ABI3BP: variants seen among roughly 807,000 people sequenced by gnomAD.
ABI3BP encodes the protein ABI family member 3 binding protein.
A neutral mutation model predicts 268.6 loss-of-function variants in ABI3BP; 216 were observed. The ratio of observed to expected loss-of-function variants is 0.80; its 90% CI spans 0.72 to 0.90. The LOEUF is 0.90. ABI3BP is among the 40% of genes least tolerant of loss of function. The probability of loss-of-function intolerance (pLI) is 0.00; values close to 1 mark genes in which losing one functional copy is unlikely to be tolerated. For missense variants in ABI3BP, 2,090 were observed against 2,182.4 expected (o/e 0.96, Z 0.84); for synonymous variants, 730 against 730.0 (o/e 1.00, Z 0.00).
chr3:100,824,343 C>T (rs2098321374), intron 36 of ABI3BP, among the ~76,000 whole-genome samples: 1 of 152,032 alleles, frequency 6.6e-6, no homozygotes, highest in South Asian at 2.1e-4. Flanking sequence ...CTCAGTGGGC[C>T]CAAGGTCCAA....
intron 9 of ABI3BP, 135 bp from the exon 10 acceptor site, chr3:100,867,091 G>A (rs2099058275): frequency 1.6e-6 from 1 of 642,288 alleles, no homozygotes; most frequent in Admixed American, 2.9e-5. Context: ...ACTTTATTGT[G>A]TATCTCTAGC....
chr3:100,810,368 GCAAA>G (rs1331176562), intron 49 of ABI3BP, 40 bp downstream of exon 49: 2 of 1,469,036 alleles, frequency 1.4e-6, no homozygotes, highest in African/African-American at 1.4e-5. Context: ...CTGACATTCT[GCAAA>G]CACTCACCTC....
intron 51 of ABI3BP, among the ~76,000 whole-genome samples, chr3:100,802,311 T>C (rs992062602): frequency 6.6e-6 from 1 of 152,162 alleles, no homozygotes; most frequent in African/African-American, 2.4e-5. Flanking sequence ...CTGAAACCTA[T>C]CCCAATGCCT....
intron 14 of ABI3BP, among the ~76,000 whole-genome samples, chr3:100,857,221 A>G (rs927218238): frequency 6.6e-6 from 1 of 152,138 alleles, no homozygotes; most frequent in South Asian, 2.1e-4. Flanking sequence ...CATAATTGCT[A>G]TTATTGATTA....
chr3:100,911,930 T>A, intron 2 of ABI3BP: 2 of 1,161,888 alleles, frequency 1.7e-6, no homozygotes, highest in Non-Finnish European at 2.6e-6. Context: ...TGGAGAATAT[T>A]TTCTTCAGTG....
intron 59 of ABI3BP, 61 bp downstream of exon 59, chr3:100,778,223 C>G: frequency 6.6e-7 from 1 of 1,515,148 alleles, no homozygotes; most frequent in Non-Finnish European, 9.2e-7. Context: ...CCAAGAAGAG[C>G]TTATGTTGGC....
chr3:100,786,389 T>C (rs1043746321), intron 57 of ABI3BP, among the ~76,000 whole-genome samples: 3 of 152,288 alleles, frequency 2.0e-5, no homozygotes, highest in Non-Finnish European at 4.4e-5. Flanking sequence ...GTAATAGATA[T>C]CCATTTGTAA....
intron 27 of ABI3BP, among the ~76,000 whole-genome samples, chr3:100,836,261 T>G (rs1374911944): frequency 6.6e-6 from 1 of 152,204 alleles, no homozygotes; most frequent in Non-Finnish European, 1.5e-5. Flanking sequence ...ATACAACTTT[T>G]TGTCTAGATA....
chr3:100,936,046 T>A (rs1474117444), intron 1 of ABI3BP, among the ~76,000 whole-genome samples: 1 of 152,198 alleles, frequency 6.6e-6, no homozygotes, highest in Admixed American at 6.6e-5. Flanking sequence ...GGCATCCTTG[T>A]CTTGTGCCAG....
At chr3:100,776,519 C>T (rs570114529) in intron 59 of ABI3BP, among the ~76,000 whole-genome samples, 5 of 152,264 alleles carry the variant, frequency 3.3e-5, no homozygotes, top group African/African-American at 7.2e-5. Context: ...GCACATGTCA[C>T]ATGGTGGCAG....
chr3:100,959,286 C>T (rs1487655929), intron 1 of ABI3BP, among the ~76,000 whole-genome samples: 3 of 151,438 alleles, frequency 2.0e-5, no homozygotes, highest in Non-Finnish European at 2.9e-5. Flanking sequence ...GTCAGGAGAT[C>T]GAGACCATCC....
chr3:100,772,405 C>T (rs1259777181), intron 61 of ABI3BP, among the ~76,000 whole-genome samples: 1 of 152,200 alleles, frequency 6.6e-6, no homozygotes, highest in East Asian at 1.9e-4. Context: ...AATAAAAACA[C>T]CTTACGGTAA....
Position 100,750,354 on chromosome 3 carries a change from A to ATAAT in ABI3BP, c.*137_*140dup, listed in dbSNP as rs2095246023. 1.8e-6 allele frequency: 1 copy of ATAAT among 553,118 alleles called. No homozygotes were observed. Among genetic ancestry groups the ATAAT allele is most frequent in the Non-Finnish European group, 3.0e-6 (1 of 329,446 alleles). The allele number at this position is 553,118 out of a possible 1,614,324, so 34.3% of individuals were successfully genotyped here. The stretch of plus-strand genomic sequence containing the variant: ...TAAATACTCTCAGCAATCTTTTCTA[A>ATAAT]TAATAAACATCTAGTATTGCTATTA... On this transcript the variant is annotated 3_prime_UTR_variant, in exon 68 of 68. Transcript: ENST00000471714.
intron 1 of ABI3BP, among the ~76,000 whole-genome samples, chr3:100,991,446 G>A (rs2092901919): frequency 6.6e-6 from 1 of 152,146 alleles, no homozygotes; most frequent in South Asian, 2.1e-4. Flanking sequence ...TCTTTATTGA[G>A]AATGTGCAAA....
chr3:100,977,106 C>T (rs1026486492), intron 1 of ABI3BP, among the ~76,000 whole-genome samples: 22 of 152,124 alleles, frequency 1.4e-4, no homozygotes, highest in African/African-American at 4.8e-4. Context: ...AATTCTCTTC[C>T]CGTGTTTATT....
intron 20 of ABI3BP, among the ~76,000 whole-genome samples, chr3:100,845,845 CTTT>C (rs36046418): frequency 1.4e-5 from 2 of 140,912 alleles, no homozygotes; most frequent in Admixed American, 7.1e-5. Context: ...CAAAAGCAGC[CTTT>C]TTTTTTTTTT....
chr3:100,820,087 G>C (rs564869279), intron 40 of ABI3BP, 133 bp downstream of exon 40: 2 of 717,968 alleles, frequency 2.8e-6, no homozygotes, highest in African/African-American at 3.6e-5. Context: ...ACTCAACAGG[G>C]GGAGCAGTAG....
chr3:100,752,342 C>G (rs939184048), intron 66 of ABI3BP, among the ~76,000 whole-genome samples: 7 of 152,100 alleles, frequency 4.6e-5, no homozygotes, highest in African/African-American at 1.7e-4. Flanking sequence ...CAGGCCTATT[C>G]ATTAAAAATT....
chr3:100,862,174 T>C (rs1057481366), intron 14 of ABI3BP, 137 bp downstream of exon 14: 1 of 655,646 alleles, frequency 1.5e-6, no homozygotes, highest in Admixed American at 3.4e-5. Context: ...GAGGTTCATC[T>C]CAGTATCAAC....
Sources: gnomAD v4.1 joint callset for allele counts (sites outside exome capture counted in the v4.1 genomes callset) on GRCh38, gnomAD v4.1.1 for gene constraint, MANE v1.5 for transcripts, NCBI Gene and HGNC (gene_info 2026-07-23, HGNC 2026-07-21) for gene names.